Variants in DZIP1 observed in about 807,000 individuals in gnomAD.
DZIP1 encodes cilium assembly protein DZIP1.
In DZIP1, 97 loss-of-function variants were observed where a neutral mutation model predicts 107.6. The ratio of observed to expected loss-of-function variants is 0.90; its 90% CI spans 0.77 to 1.07. DZIP1 has a LOEUF of 1.07. DZIP1 is among the 50% of genes least tolerant of loss of function. DZIP1 has a pLI of 0.00. For missense variants in DZIP1, 1,035 were observed against 1,063.6 expected, an observed-to-expected ratio of 0.97 and a Z score of 0.37; for synonymous variants, 390 against 386.4, an observed-to-expected ratio of 1.01 and a Z score of -0.11.
At chr13:95,629,581 A>G (rs192675597) in intron 7 of DZIP1, among the ~76,000 whole-genome samples, 1 of 151,692 alleles carries the variant, frequency 6.6e-6, no homozygotes, top group African/African-American at 2.4e-5. Flanking sequence ...GAAAGTGTAG[A>G]CCTCTGGTCT....
rs1566360197 is a variant in DZIP1, at chr13:95,587,523, CAAGGTA to C, written c.2218+10_2218+15del. 1 of 1,611,964 alleles carries C rather than the reference CAAGGTA, an allele frequency of 6.2e-7. No homozygotes were observed. The highest frequency in any genetic ancestry group is 8.5e-7 in the Non-Finnish European group (1 of 1,178,620). On this transcript the variant is annotated intron_variant, in intron 20 of 22. Transcript: ENST00000376829. Reference sequence around the variant, plus strand: ...TAAATACAGTTTCCAGAGAGTTTTCCAAGGTAACAGCTCACCTGCGGGCTTGGGAGA... The same window carrying C: ...TAAATACAGTTTCCAGAGAGTTTTCCACAGCTCACCTGCGGGCTTGGGAGA...
chr13:95,589,394 ACT>A (rs1262519211), intron 18 of DZIP1, among the ~76,000 whole-genome samples, 187 bp from the exon 19 acceptor site: 2 of 152,172 alleles, frequency 1.3e-5, no homozygotes, highest in African/African-American at 4.8e-5. Context: ...TGGACCAAAC[ACT>A]GTTATGGACT....
intron 22 of DZIP1, 112 bp downstream of exon 22, chr13:95,584,624 C>T: frequency 6.8e-7 from 1 of 1,468,120 alleles, no homozygotes; most frequent in Non-Finnish European, 9.0e-7. Context: ...AAAGCACTGA[C>T]AGCTTTTTTG....
At chr13:95,623,809 T>C (rs1241551752) in intron 8 of DZIP1, among the ~76,000 whole-genome samples, 1 of 152,118 alleles carries the variant, frequency 6.6e-6, no homozygotes, top group African/African-American at 2.4e-5. Flanking sequence ...TGTGGTGGCA[T>C]GTGCCTGTAA....
chr13:95,618,025 C>T (rs1875353948), intron 10 of DZIP1: 1 of 518,862 alleles, frequency 1.9e-6, no homozygotes, highest in African/African-American at 1.9e-5. Flanking sequence ...CTTGAGAAGC[C>T]CATGGAGATG....
chr13:95,625,362 C>T (rs1253518000), intron 7 of DZIP1, among the ~76,000 whole-genome samples: 3 of 152,308 alleles, frequency 2.0e-5, no homozygotes, highest in Admixed American at 2.0e-4. Context: ...AATTCAAGGT[C>T]AGCACTTGAT....
In DZIP1 at chr13:95,580,458, A is replaced by G. The variant is rs1353011479; in HGVS notation, c.*1776T>C. 6.6e-6 allele frequency: 1 copy of G among 152,200 alleles called. No individual in the cohort carries two copies. The highest frequency in any genetic ancestry group is 1.5e-5 in the Non-Finnish European group (1 of 68,040). The allele number at this position is 152,200 out of a possible 1,614,324, so 9.4% of individuals were successfully genotyped here. ...TACTTAGCAAAAGTTCATTTCCCCA[A>G]GCTCTTCTGCTCAGGAATGAAAACA... On this transcript the variant is annotated 3_prime_UTR_variant, in exon 23 of 23. Transcript: ENST00000376829.
rs2044377298 is a variant in DZIP1, at chr13:95,593,996, G to T, written c.1628C>A (p.Thr543Lys). The change falls in exon 16 of 23, where the codon ACA (threonine) becomes AAA (lysine). Residue 543 changes from threonine (T) to lysine (K), a missense_variant. Thr to Lys is a moderately conservative substitution (Grantham distance 78). Coordinates refer to ENST00000376829, the MANE Select transcript of DZIP1 (RefSeq NM_198968.4). The stretch of plus-strand genomic sequence containing the variant: ...CTCCATCAAGTTCTGCTCCACCATT[G>T]TTCTTAGTCCCTTAGTGAGGGAGGA... ...SNSSLTKGLR[T>K]MVEQNLMEKL... 3.7e-6 allele frequency: 6 copies of T among 1,612,100 alleles called. No individual in the cohort carries two copies. Among genetic ancestry groups the T allele is most frequent in the Non-Finnish European group, 5.1e-6 (6 of 1,179,202 alleles).
intron 10 of DZIP1, 25 bp from the exon 11 acceptor site, chr13:95,612,202 C>A: frequency 6.2e-7 from 1 of 1,602,198 alleles, no homozygotes; most frequent in Non-Finnish European, 8.5e-7. Flanking sequence ...AGAAAGGCAT[C>A]CATCTGTAAG....
At chr13:95,630,252 G>C (rs373625133) in intron 6 of DZIP1, 139 bp from the exon 7 acceptor site, 2 of 1,040,342 alleles carry the variant, frequency 1.9e-6, no homozygotes, top group African/African-American at 3.3e-5. Flanking sequence ...TGCCACATGA[G>C]CCAATTTTTG....
Position 95,622,379 on chromosome 13 carries a change from C to T in DZIP1, c.1074G>A (p.Gln358=), listed in dbSNP as rs761477703. 1.9e-6 allele frequency: 3 copies of T among 1,614,184 alleles called. No individual in the cohort carries two copies. Among genetic ancestry groups the T allele is most frequent in the East Asian group, 4.5e-5 (2 of 44,894 alleles). ...GAAGCTGCATGACATTATGGAAATC[C>T]TGGGGATATGGAGAACGGTCTTCTT... ...EFKEDRSPYP[Q]DFHNVMQLLD... The change falls in exon 9 of 23, where the codon CAG becomes CAA. Residue 358 remains glutamine, a synonymous_variant. Coordinates refer to ENST00000376829, the MANE Select transcript of DZIP1 (RefSeq NM_198968.4).
At chr13:95,601,981 TG>T in intron 14 of DZIP1, among the ~76,000 whole-genome samples, 1 of 152,144 alleles carries the variant, frequency 6.6e-6, no homozygotes, top group African/African-American at 2.4e-5. Flanking sequence ...CACCCACAAC[TG>T]GTCTCCCCAT....
rs2043975083 is a variant in DZIP1, at chr13:95,578,836, CTG to C, written c.*3396_*3397del. 6.6e-6 allele frequency: 1 copy of C among 152,198 alleles called. No individual in the cohort carries two copies. Among genetic ancestry groups the C allele is most frequent in the South Asian group, 2.1e-4 (1 of 4,832 alleles). 9.4% of individuals were successfully genotyped at this position (152,198 alleles called of 1,614,324 possible). On this transcript the variant is annotated 3_prime_UTR_variant, in exon 23 of 23. Transcript: ENST00000376829. ...GGTTTCTTACATGTGCCTGTCATGA[CTG>C]TAATTCATTATGACTGCTCCAGGAA...
intron 18 of DZIP1, among the ~76,000 whole-genome samples, chr13:95,589,499 T>A (rs1487412441): frequency 6.6e-6 from 1 of 152,086 alleles, no homozygotes; most frequent in Non-Finnish European, 1.5e-5. Flanking sequence ...GGTGATTAAG[T>A]TTAGATGAGG....
Position 95,579,734 on chromosome 13 carries a change from A to AAAAT in DZIP1, c.*2496_*2499dup, listed in dbSNP as rs1444588822. On this transcript the variant is annotated 3_prime_UTR_variant, in exon 23 of 23. Transcript: ENST00000376829. ...AATGAACAAGTTTGTTAAAAGATAA[A>AAAAT]AAATAAAAAAAATTCCATACCTTGA... is the stretch of plus-strand genomic sequence containing the variant. 3 of 152,250 alleles carry AAAAT rather than the reference A, an allele frequency of 2.0e-5. No individual in the cohort carries two copies. The highest frequency in any genetic ancestry group is 7.2e-5 in the African/African-American group (3 of 41,462). 9.4% of individuals were successfully genotyped at this position (152,250 alleles called of 1,614,324 possible).
Position 95,641,316 on chromosome 13 carries a change from C to T in DZIP1, c.576G>A (p.Glu192=). 1.3e-6 allele frequency: 2 copies of T among 1,594,954 alleles called. No homozygotes were observed. Residue 192 remains glutamate, a synonymous_variant, in exon 5 of 23, where the codon GAG becomes GAA. Transcript: ENST00000376829. This position sits in a 1 kb window ranked among gnomAD's most constrained non-coding sequence, Gnocchi z 4.3. Reference sequence around the variant, plus strand: ...CCACCTGGTAATAGTTGGCTTTGGCCTCGATCATCAGCTGCTGGGTGGAGA... The same window carrying T: ...CCACCTGGTAATAGTTGGCTTTGGCTTCGATCATCAGCTGCTGGGTGGAGA... The part of the protein sequence containing the change: ...KMISTQQLMI[E]AKANYYQCHF...
chr13:95,624,645 G>A, intron 8 of DZIP1, 123 bp downstream of exon 8: 2 of 876,098 alleles, frequency 2.3e-6, no homozygotes, highest in Non-Finnish European at 1.8e-6. Context: ...AAGACTCTCA[G>A]GGAGAAGAAT....
In DZIP1 at chr13:95,586,141, A is replaced by G; in HGVS notation, c.2219-5T>C. 1 of 1,584,162 alleles carries G rather than the reference A, an allele frequency of 6.3e-7. No individual in the cohort carries two copies. Among genetic ancestry groups the G allele is most frequent in the Non-Finnish European group, 8.5e-7 (1 of 1,171,114 alleles). The stretch of plus-strand genomic sequence containing the variant: ...TAGGTGTTTTAACGGCGACTCCTAT[A>G]AGATCAATAAAAATTAGGCAAGTTA... On this transcript the variant is annotated splice_polypyrimidine_tract_variant and splice_region_variant and intron_variant, in intron 20 of 22. Transcript: ENST00000376829.
chr13:95,622,592 C>T (rs748711576), intron 8 of DZIP1, 112 bp from the exon 9 acceptor site: 97 of 1,185,730 alleles, frequency 8.2e-5, no homozygotes, highest in African/African-American at 8.2e-4. Flanking sequence ...CCCTCTTGGA[C>T]GCTCCTGGAC....
Sources: gnomAD v4.1 joint callset for allele counts (sites outside exome capture counted in the v4.1 genomes callset) on GRCh38, gnomAD v4.1.1 for gene constraint, Gnocchi (gnomAD v3.1) non-coding constraint, MANE v1.5 for transcripts, NCBI Gene and HGNC (gene_info 2026-07-23, HGNC 2026-07-21) for gene names.